The following GRIP1 variants were observed in gnomAD, a reference collection of about 807,000 sequenced individuals.
The protein encoded by GRIP1 is glutamate receptor interacting protein 1, also known as glutamate receptor-interacting protein 1.
In GRIP1, 45 loss-of-function variants were observed where a neutral mutation model predicts 129.9. The ratio of observed to expected loss-of-function variants is 0.35; its 90% CI spans 0.27 to 0.44. The LOEUF (loss-of-function observed/expected upper bound fraction) is 0.44. GRIP1 is among the 20% of genes least tolerant of loss of function. The probability of loss-of-function intolerance (pLI) is 1.00; values close to 1 mark genes in which losing one functional copy is unlikely to be tolerated. For missense variants in GRIP1, 1,196 were observed against 1,396.8 expected (o/e 0.86, Z 2.29); for synonymous variants, 530 against 520.8 (o/e 1.02, Z -0.24).
At position 66,824,293 on chromosome 12, in the gene GRIP1, G is replaced by C. The variant is rs147246525; in HGVS notation, c.59-227366C>G. On this transcript the variant is annotated intron_variant, in intron 1 of 1. Coordinates refer to the GRIP1 transcript ENST00000643019. ...AGTAGTTACTGGTTGAAAGGTGGAC[G>C]GTTTCAGATATATGTGAATAAAGAC... is the stretch of plus-strand genomic sequence containing the variant. Among the ~76,000 whole-genome samples the C allele has an allele frequency of 3.4e-3, 516 of 152,258 alleles. 4 individuals carry two copies. The highest frequency in any genetic ancestry group is 0.012 in the African/African-American group (490 of 41,546).
At chr12:66,788,173 G>C (rs2038416237) in intron 1 of GRIP1, among the ~76,000 whole-genome samples, 1 of 151,786 alleles carries the variant, frequency 6.6e-6, no homozygotes, top group East Asian at 1.9e-4. Context: ...GAATTCTGCT[G>C]CACCTACTAT....
chr12:66,456,106 G>T, intron 10 of GRIP1, 81 bp downstream of exon 10: 1 of 842,208 alleles, frequency 1.2e-6, no homozygotes, highest in Non-Finnish European at 1.7e-6. Context: ...CAACATCCAT[G>T]AAGCCAAAGA....
At chr12:66,430,414 G>C (rs78978801) in intron 14 of GRIP1, among the ~76,000 whole-genome samples, 187 of 152,262 alleles carry the variant, frequency 1.2e-3, no homozygotes, top group East Asian at 7.7e-3. Context: ...TTCCATGAAT[G>C]CGTTTGCTTG....
intron 23 of GRIP1, among the ~76,000 whole-genome samples, chr12:66,362,816 G>A (rs942058960): frequency 6.6e-6 from 1 of 151,796 alleles, no homozygotes; most frequent in Non-Finnish European, 1.5e-5. Context: ...AGACACTAGC[G>A]AGCCTGCCGC....
At chr12:66,719,888 A>G (rs1050923933) in intron 1 of GRIP1, among the ~76,000 whole-genome samples, 1 of 152,184 alleles carries the variant, frequency 6.6e-6, no homozygotes, top group Non-Finnish European at 1.5e-5. Context: ...ACATTTTCTC[A>G]ACGGACACAG....
intron 1 of GRIP1, among the ~76,000 whole-genome samples, chr12:66,891,361 G>T (rs1383355315): frequency 6.6e-6 from 1 of 152,194 alleles, no homozygotes; most frequent in East Asian, 1.9e-4. Context: ...TAGCAGAGCA[G>T]CTACCCCTGG....
At chr12:66,652,177 A>C (rs2032841070) in intron 1 of GRIP1, among the ~76,000 whole-genome samples, 1 of 152,176 alleles carries the variant, frequency 6.6e-6, no homozygotes, top group African/African-American at 2.4e-5. Context: ...TCCCCACCCA[A>C]ATCTCATCTC....
At chr12:66,412,719 G>A (rs1413421679) in intron 15 of GRIP1, among the ~76,000 whole-genome samples, 2 of 152,032 alleles carry the variant, frequency 1.3e-5, no homozygotes, top group African/African-American at 4.8e-5. Flanking sequence ...AAGACCTATT[G>A]GTATGCTGTC....
chr12:66,411,310 C>T (rs1292072719), intron 15 of GRIP1, among the ~76,000 whole-genome samples: 3 of 152,168 alleles, frequency 2.0e-5, no homozygotes, highest in Non-Finnish European at 2.9e-5. Flanking sequence ...GTTTTGTAGC[C>T]TTTGCTGTCA....
At position 66,633,197 on chromosome 12, in the gene GRIP1, GTATA is replaced by G. The variant is rs975973529; in HGVS notation, c.56-36274_56-36271del. ...CCGGCTAATTTTTGTGTGTGTATGT[GTATA>G]TATATATGTGTGTGTATATATATAT... On this transcript the variant is annotated intron_variant, in intron 1 of 24. Transcript: ENST00000359742. Among the ~76,000 whole-genome samples, 17 of 146,500 alleles carry G rather than the reference GTATA, an allele frequency of 1.2e-4. No homozygotes were observed. The Admixed American group carries it at 1.2e-3, about 10-fold the overall frequency.
In GRIP1 at chr12:66,678,845, G is replaced by C; in HGVS notation, c.55+5C>G. The C allele has an allele frequency of 6.2e-7, 1 of 1,612,528 alleles. No homozygotes were observed. The highest frequency in any genetic ancestry group is 8.5e-7 in the Non-Finnish European group (1 of 1,178,794). On this transcript the variant is annotated splice_donor_5th_base_variant and intron_variant, in intron 1 of 24. Transcript: ENST00000359742. Reference sequence around the variant, plus strand: ...GCTGAGGGAATAACAAGGAAAGCACGATACCTTTAGTAAGTCGCCTCAGAA... The same window carrying C: ...GCTGAGGGAATAACAAGGAAAGCACCATACCTTTAGTAAGTCGCCTCAGAA...
intron 1 of GRIP1, among the ~76,000 whole-genome samples, chr12:66,797,402 G>A (rs1487133627): frequency 6.6e-6 from 1 of 152,044 alleles, no homozygotes; most frequent in Non-Finnish European, 1.5e-5. Flanking sequence ...GACTACACCT[G>A]CCAGTGATTC....
At chr12:66,716,051 C>G (rs1187478614) in intron 1 of GRIP1, among the ~76,000 whole-genome samples, 2 of 151,850 alleles carry the variant, frequency 1.3e-5, no homozygotes, top group Non-Finnish European at 2.9e-5. Flanking sequence ...CAGGTATTCT[C>G]TTATGAAAAA....
chr12:67,041,194 C>CGT (rs1484885969), intron 1 of GRIP1, among the ~76,000 whole-genome samples: 1 of 151,802 alleles, frequency 6.6e-6, no homozygotes, highest in Admixed American at 6.6e-5. Context: ...TACAAATATA[C>CGT]GTGTGTATAT....
rs79054558 is a variant in GRIP1, at chr12:66,354,979, G to A, written c.3013-1416C>T. Among the ~76,000 whole-genome samples, 21 of 152,238 alleles carry A rather than the reference G, an allele frequency of 1.4e-4. No individual in the cohort carries two copies. The East Asian group carries it at 3.9e-3, about 28-fold the overall frequency. ...TATGTACCCGCTCAAGGCCACAAAG[G>A]TAAGAATGGTGGGGACGTGTCTGTG... is the stretch of plus-strand genomic sequence containing the variant. On this transcript the variant is annotated intron_variant, in intron 23 of 24. Coordinates refer to ENST00000359742, the MANE Select transcript of GRIP1 (RefSeq NM_001366722.1).
chr12:66,612,445 G>A (rs1259731288), intron 1 of GRIP1, among the ~76,000 whole-genome samples: 1 of 152,080 alleles, frequency 6.6e-6, no homozygotes, highest in African/African-American at 2.4e-5. Flanking sequence ...GAATGCTTGA[G>A]CCCAGGAGTT....
intron 1 of GRIP1, among the ~76,000 whole-genome samples, chr12:66,819,290 A>C (rs1259947913): frequency 6.6e-6 from 1 of 152,220 alleles, no homozygotes; most frequent in Non-Finnish European, 1.5e-5. Flanking sequence ...AAAGTTTTAA[A>C]ATCAACTAGA....
intron 1 of GRIP1, among the ~76,000 whole-genome samples, chr12:66,606,085 T>G (rs1009820631): frequency 6.6e-6 from 1 of 152,296 alleles, no homozygotes; most frequent in Non-Finnish European, 1.5e-5. Context: ...GTGTCTTAAG[T>G]GTGTAACGGC....
chr12:66,855,815 C>T (rs2039992812), intron 1 of GRIP1, among the ~76,000 whole-genome samples: 1 of 152,000 alleles, frequency 6.6e-6, no homozygotes, highest in African/African-American at 2.4e-5. Context: ...GAACACTAAT[C>T]CCATAAGATA....
Sources: allele counts gnomAD v4.1 joint callset (sites outside exome capture counted in the v4.1 genomes callset), GRCh38; gene constraint gnomAD v4.1.1; transcripts MANE v1.5; gene names NCBI Gene and HGNC (gene_info 2026-07-23, HGNC 2026-07-21).